Variants in RPL22 observed in about 807,000 individuals in gnomAD.
RPL22 encodes the protein ribosomal protein L22.
RPL22 carries 4 observed loss-of-function variants against 16.2 expected under a neutral mutation model. The ratio of observed to expected loss-of-function variants is 0.25; its 90% CI spans 0.12 to 0.57. The LOEUF (loss-of-function observed/expected upper bound fraction) is 0.57, where lower values mean the gene tolerates loss of function less well. Ranked by LOEUF, RPL22 falls within the 20% of genes least tolerant of loss-of-function variation. The pLI, the probability that RPL22 is intolerant of heterozygous loss-of-function variation, is 0.92. For missense variants in RPL22, 83 were observed against 156.1 expected, an observed-to-expected ratio of 0.53 and a Z score of 2.49; for synonymous variants, 43 against 54.8, an observed-to-expected ratio of 0.78 and a Z score of 0.95.
intron 3 of RPL22, among the ~76,000 whole-genome samples, chr1:6,187,528 C>G (rs1348530354): frequency 1.3e-5 from 2 of 150,282 alleles, no homozygotes; most frequent in African/African-American, 4.9e-5. Flanking sequence ...GTAAGAGAAT[C>G]GCTTGAACCC....
At chr1:6,197,565 G>C in intron 2 of RPL22, 87 bp downstream of exon 2, 4 of 854,908 alleles carry the variant, frequency 4.7e-6, no homozygotes, top group Admixed American at 4.1e-5. Context: ...CTATAAGCCT[G>C]AAAACAGAAA....
At chr1:6,198,004 C>A (rs971063975) in intron 1 of RPL22, 10 of 514,114 alleles carry the variant, frequency 1.9e-5, no homozygotes, top group African/African-American at 1.9e-4. Context: ...TTCTAGCACT[C>A]TTGACTCACT....
At chr1:6,197,558 T>C (rs1667736214) in intron 2 of RPL22, 94 bp downstream of exon 2, 4 of 780,414 alleles carry the variant, frequency 5.1e-6, no homozygotes, top group Non-Finnish European at 8.8e-6. Flanking sequence ...AAGCTGCCTA[T>C]AAGCCTGAAA....
In RPL22 at chr1:6,185,711, G is replaced by C. The variant is rs376674459; in HGVS notation, c.*961C>G. The C allele has an allele frequency of 3.1e-4, 82 of 261,742 alleles. No individual in the cohort carries two copies. Among genetic ancestry groups the C allele is most frequent in the African/African-American group, 1.3e-3 (61 of 46,312 alleles). The allele number at this position is 261,742 out of a possible 1,614,324, so 16.2% of individuals were successfully genotyped here. On this transcript the variant is annotated 3_prime_UTR_variant, in exon 4 of 4. Coordinates refer to ENST00000234875, the MANE Select transcript of RPL22 (RefSeq NM_000983.4). ...TTCAAAGTCACTCACAGCAACAATTGCATTTTTTTCCCAGCCTTGGTAGCC... is the reference window on the plus strand; with the variant it reads ...TTCAAAGTCACTCACAGCAACAATTCCATTTTTTTCCCAGCCTTGGTAGCC...
intron 2 of RPL22, among the ~76,000 whole-genome samples, chr1:6,195,344 C>A (rs1667701744): frequency 6.6e-6 from 1 of 151,010 alleles, no homozygotes; most frequent in African/African-American, 2.4e-5. Flanking sequence ...ATTCGGGAGG[C>A]TGAGGCAGGA....
chr1:6,187,904 C>T (rs1179772703), intron 3 of RPL22, among the ~76,000 whole-genome samples: 1 of 152,170 alleles, frequency 6.6e-6, no homozygotes, highest in East Asian at 1.9e-4. Flanking sequence ...TGCACACACT[C>T]GCTCCTGCTC....
chr1:6,189,612 T>TAAAAAAAAAAAAAA (rs550383303), intron 3 of RPL22, among the ~76,000 whole-genome samples: 33 of 125,780 alleles, frequency 2.6e-4, no homozygotes, highest in African/African-American at 8.8e-4. Flanking sequence ...AAAATCAGGT[T>TAAAAAAAAAAAAAA]AAAAAAAAAA....
At chr1:6,189,274 C>A (rs1667619520) in intron 3 of RPL22, among the ~76,000 whole-genome samples, 1 of 145,000 alleles carries the variant, frequency 6.9e-6, no homozygotes, top group African/African-American at 2.7e-5. Context: ...GATCTCAATT[C>A]AACTGTCCAC....
At chr1:6,197,233 T>A (rs1667732048) in intron 2 of RPL22, among the ~76,000 whole-genome samples, 1 of 152,210 alleles carries the variant, frequency 6.6e-6, no homozygotes, top group Non-Finnish European at 1.5e-5. Flanking sequence ...GGTTTCACTA[T>A]GTTGGCCAGA....
chr1:6,192,274 T>C (rs914208393), intron 3 of RPL22, among the ~76,000 whole-genome samples: 3 of 152,206 alleles, frequency 2.0e-5, no homozygotes, highest in Non-Finnish European at 4.4e-5. Context: ...CTCAAACTCC[T>C]GGGCTCAAGC....
intron 3 of RPL22, among the ~76,000 whole-genome samples, chr1:6,188,458 G>A (rs544042717): frequency 6.6e-6 from 1 of 152,074 alleles, no homozygotes; most frequent in South Asian, 2.1e-4. Context: ...GTGAGGCCAA[G>A]GTGAGAGGAT....
Position 6,197,506 on chromosome 1 carries a change from C to G in RPL22, c.117+146G>C, listed in dbSNP as rs112945699. The G allele has an allele frequency of 3.6e-3, 2,244 of 615,902 alleles. 47 individuals are homozygous for G. The African/African-American group carries it at 0.037, about 10-fold the overall frequency. The allele number at this position is 615,902 out of a possible 1,614,324, so 38.2% of individuals were successfully genotyped here. On this transcript the variant is annotated intron_variant, in intron 2 of 3. Coordinates refer to ENST00000234875, the MANE Select transcript of RPL22 (RefSeq NM_000983.4). The stretch of plus-strand genomic sequence containing the variant: ...CAAGACTTGGAAACAAACAAGTAAT[C>G]TGCCCACATTCCCAGGGTGAGATGA...
rs1222088025 is a variant in RPL22, at chr1:6,185,718, T to A, written c.*954A>T. 7.8e-6 allele frequency: 2 copies of A among 254,864 alleles called. No individual in the cohort carries two copies. Among genetic ancestry groups the A allele is most frequent in the African/African-American group, 4.3e-5 (2 of 46,020 alleles). 15.8% of individuals were successfully genotyped at this position (254,864 alleles called of 1,614,324 possible). On this transcript the variant is annotated 3_prime_UTR_variant, in exon 4 of 4. Transcript: ENST00000234875. ...TCACTCACAGCAACAATTGCATTTT[T>A]TTCCCAGCCTTGGTAGCCCCTTTCA... is the stretch of plus-strand genomic sequence containing the variant.
Position 6,191,724 on chromosome 1 carries a change from G to A in RPL22, c.242+1206C>T, listed in dbSNP as rs114250207. ...AGAATTAGCTGGGTGTGGGCCAGGC[G>A]CAGTGGCTCATGCCTATAATCCTTG... is the stretch of plus-strand genomic sequence containing the variant. On this transcript the variant is annotated intron_variant, in intron 3 of 3. Coordinates refer to ENST00000234875, the MANE Select transcript of RPL22 (RefSeq NM_000983.4). Among the ~76,000 whole-genome samples, 1,168 of 151,200 alleles carry A rather than the reference G, an allele frequency of 7.7e-3. 21 individuals are homozygous for A. The highest frequency in any genetic ancestry group is 0.027 in the African/African-American group (1,109 of 41,212).
At position 6,199,589 on chromosome 1, in the gene RPL22, A is replaced by G; in HGVS notation, c.-16T>C. 1 of 1,567,746 alleles carries G rather than the reference A, an allele frequency of 6.4e-7. No homozygotes were observed. Among genetic ancestry groups the G allele is most frequent in the Non-Finnish European group, 8.6e-7 (1 of 1,156,410 alleles). On this transcript the variant is annotated 5_prime_UTR_variant, in exon 1 of 4. Coordinates refer to ENST00000234875, the MANE Select transcript of RPL22 (RefSeq NM_000983.4). Reference sequence around the variant, plus strand: ...CAGGAGCCATGGCGGCAGCGGAGTTAGAAAGGGAGGTGAGCGAACTACGCA... The same window carrying G: ...CAGGAGCCATGGCGGCAGCGGAGTTGGAAAGGGAGGTGAGCGAACTACGCA...
rs2100900317 is a variant in RPL22, at chr1:6,186,770, G to A, written c.289C>T (p.Arg97Cys). The part of the protein sequence containing the change: ...TKKYLKKNNL[R>C]DWLRVVANSK... ...TTAGCAACTACGCGCAACCAGTCACGTAGATTATTCTTCTTCAAATATTTT... is the reference window on the plus strand; with the variant it reads ...TTAGCAACTACGCGCAACCAGTCACATAGATTATTCTTCTTCAAATATTTT... Residue 97 changes from arginine (R) to cysteine (C), a missense_variant, in exon 4 of 4, where the codon CGT becomes TGT. Physicochemically the swap from Arg to Cys is radical, Grantham distance 180 (BLOSUM62 -3). Coordinates refer to ENST00000234875, the MANE Select transcript of RPL22 (RefSeq NM_000983.4). The A allele has an allele frequency of 1.2e-6, 2 of 1,612,270 alleles. No homozygotes were observed. Among genetic ancestry groups the A allele is most frequent in the Non-Finnish European group, 1.7e-6 (2 of 1,179,406 alleles).
Position 6,193,060 on chromosome 1 carries a change from G to A in RPL22, c.118-6C>T, listed in dbSNP as rs758846226. 2 of 1,614,008 alleles carry A rather than the reference G, an allele frequency of 1.2e-6. No homozygotes were observed. The highest frequency in any genetic ancestry group is 1.1e-5 in the South Asian group (1 of 91,080). On this transcript the variant is annotated splice_region_variant and splice_polypyrimidine_tract_variant and intron_variant, in intron 2 of 3. Transcript: ENST00000234875. Reference sequence around the variant, plus strand: ...CTTTCTTGCAAAAACTGCTCCTGTAGAAATCATTAAATTGACCAATGAAGT... The same window carrying A: ...CTTTCTTGCAAAAACTGCTCCTGTAAAAATCATTAAATTGACCAATGAAGT...
At chr1:6,193,264 T>C (rs1278234001) in intron 2 of RPL22, among the ~76,000 whole-genome samples, 1 of 151,046 alleles carries the variant, frequency 6.6e-6, no homozygotes, top group Non-Finnish European at 1.5e-5. Context: ...CACCTCAGCC[T>C]CTCAAAGTGC....
At chr1:6,193,812 A>G (rs779715921) in intron 2 of RPL22, among the ~76,000 whole-genome samples, 3 of 152,188 alleles carry the variant, frequency 2.0e-5, no homozygotes, top group Non-Finnish European at 4.4e-5. Flanking sequence ...CCATTTACAT[A>G]CATACTATGA....
Sources: gnomAD v4.1 joint callset for allele counts (sites outside exome capture counted in the v4.1 genomes callset) on GRCh38, gnomAD v4.1.1 for gene constraint, MANE v1.5 for transcripts, NCBI Gene and HGNC (gene_info 2026-07-23, HGNC 2026-07-21) for gene names.